The following CSNK1G1 variants were observed in gnomAD, a reference collection of about 807,000 sequenced individuals.
CSNK1G1 encodes casein kinase I isoform gamma-1.
CSNK1G1 carries 22 observed loss-of-function variants against 59.6 expected under a neutral mutation model. The ratio of observed to expected loss-of-function variants is 0.37; its 90% CI spans 0.26 to 0.53. The LOEUF (loss-of-function observed/expected upper bound fraction) is 0.53, where lower values mean the gene tolerates loss of function less well. Among genes scored for constraint, CSNK1G1 ranks in the 20% least tolerant of loss-of-function variants. The pLI is 0.89. For synonymous variants in CSNK1G1, 179 were observed against 177.1 expected, an observed-to-expected ratio of 1.01 and a Z score of -0.08; for missense variants, 384 against 519.5, an observed-to-expected ratio of 0.74 and a Z score of 2.54.
chr15:64,240,921 AACC>A (rs2082685519), intron 4 of CSNK1G1, among the ~76,000 whole-genome samples: 1 of 152,206 alleles, frequency 6.6e-6, no homozygotes, highest in South Asian at 2.1e-4. Context: ...CACTACAGAA[AACC>A]ACCAAGTTGC....
chr15:64,292,209 C>CAA (rs771506245), intron 2 of CSNK1G1, among the ~76,000 whole-genome samples: 12 of 55,138 alleles, frequency 2.2e-4, no homozygotes, highest in Middle Eastern at 0.013. Context: ...GACTCCGTCA[C>CAA]AAAAAAAAAA....
intron 1 of CSNK1G1, among the ~76,000 whole-genome samples, chr15:64,337,880 A>C (rs1897472163): frequency 6.6e-6 from 1 of 152,210 alleles, no homozygotes; most frequent in Non-Finnish European, 1.5e-5. Context: ...TAGGTAGCTC[A>C]TAAGTGAAAT....
intron 1 of CSNK1G1, among the ~76,000 whole-genome samples, chr15:64,307,327 C>A (rs1197172165): frequency 6.6e-6 from 1 of 152,058 alleles, no homozygotes; most frequent in Non-Finnish European, 1.5e-5. Context: ...AAAAATAAAG[C>A]CTGTTAATTA....
intron 1 of CSNK1G1, among the ~76,000 whole-genome samples, chr15:64,338,722 A>C (rs986711877): frequency 6.9e-6 from 1 of 144,570 alleles, no homozygotes; most frequent in African/African-American, 2.6e-5. Flanking sequence ...AAAAAAAAAA[A>C]AAAAAACACT....
At chr15:64,268,306 T>G (rs2033918510) in intron 2 of CSNK1G1, among the ~76,000 whole-genome samples, 1 of 152,108 alleles carries the variant, frequency 6.6e-6, no homozygotes, top group Non-Finnish European at 1.5e-5. Context: ...ATGGTGGTTA[T>G]CAGAGGCTGG....
At chr15:64,340,506 G>T (rs1295550699) in intron 1 of CSNK1G1, among the ~76,000 whole-genome samples, 1 of 152,102 alleles carries the variant, frequency 6.6e-6, no homozygotes, top group African/African-American at 2.4e-5. Context: ...GTATCTTCCT[G>T]GTAAACTAAA....
chr15:64,201,853 A>T (rs1333916538), intron 10 of CSNK1G1, among the ~76,000 whole-genome samples: 1 of 152,184 alleles, frequency 6.6e-6, no homozygotes, highest in East Asian at 1.9e-4. Context: ...GTGAAATCAT[A>T]AGGAGAGGAA....
intron 1 of CSNK1G1, among the ~76,000 whole-genome samples, chr15:64,316,391 C>G (rs1296149377): frequency 6.6e-6 from 1 of 151,780 alleles, no homozygotes; most frequent in Non-Finnish European, 1.5e-5. Context: ...CAAAAATTAG[C>G]CGGGCATGGT....
chr15:64,321,404 T>C (rs1242645834), intron 1 of CSNK1G1, among the ~76,000 whole-genome samples: 2 of 151,718 alleles, frequency 1.3e-5, no homozygotes, highest in African/African-American at 2.4e-5. Context: ...CACAGACACA[T>C]ACCACCATGC....
At chr15:64,338,066 T>C (rs1006819024) in intron 1 of CSNK1G1, among the ~76,000 whole-genome samples, 4 of 152,246 alleles carry the variant, frequency 2.6e-5, no homozygotes, top group Admixed American at 2.6e-4. Context: ...ATAAAGGTAC[T>C]GTACAAACAT....
intron 9 of CSNK1G1, 141 bp from the exon 10 acceptor site, chr15:64,203,330 C>G: frequency 1.5e-6 from 1 of 653,774 alleles, no homozygotes; most frequent in Non-Finnish European, 2.8e-6. Context: ...GTCTTGTCTT[C>G]TCAGTTTGCT....
At chr15:64,295,339 C>T (rs1190966487) in intron 2 of CSNK1G1, among the ~76,000 whole-genome samples, 2 of 152,156 alleles carry the variant, frequency 1.3e-5, no homozygotes, top group Non-Finnish European at 2.9e-5. Flanking sequence ...TTGCAGCTTC[C>T]GGCATAAATG....
At chr15:64,315,814 A>G (rs1224377422) in intron 1 of CSNK1G1, 1 of 152,146 alleles carries the variant, frequency 6.6e-6, no homozygotes, top group Non-Finnish European at 1.5e-5. Flanking sequence ...ATTTTTTTCA[A>G]AGGAGCTAAT....
intron 2 of CSNK1G1, 45 bp downstream of exon 2, chr15:64,300,274 A>G: frequency 3.9e-6 from 6 of 1,553,210 alleles, no homozygotes; most frequent in Non-Finnish European, 5.3e-6. Context: ...AGCTTATCAT[A>G]GGTATTGTTG....
intron 4 of CSNK1G1, among the ~76,000 whole-genome samples, chr15:64,239,205 C>CA (rs2082661486): frequency 6.6e-6 from 1 of 152,124 alleles, no homozygotes; most frequent in Admixed American, 6.5e-5. Context: ...CCATTAGATG[C>CA]ACAAACATCA....
At chr15:64,274,310 T>A (rs1450615665) in intron 2 of CSNK1G1, among the ~76,000 whole-genome samples, 1 of 152,208 alleles carries the variant, frequency 6.6e-6, no homozygotes, top group Non-Finnish European at 1.5e-5. Context: ...TCAGCCACTA[T>A]CCTAAATAAT....
rs1193513770 is a variant in CSNK1G1, at chr15:64,169,761, T to C, written c.*2170A>G. 1.3e-5 allele frequency: 2 copies of C among 152,336 alleles called. No homozygotes were observed. The highest frequency in any genetic ancestry group is 3.9e-4 in the East Asian group (2 of 5,184). The allele number at this position is 152,336 out of a possible 1,614,324, so 9.4% of individuals were successfully genotyped here. ...TATCTCCCTGCCACTTTATGTTTCATATATAGAAACATTTATAGAAATGAC... is the reference window on the plus strand; with the variant it reads ...TATCTCCCTGCCACTTTATGTTTCACATATAGAAACATTTATAGAAATGAC... On this transcript the variant is annotated 3_prime_UTR_variant, in exon 12 of 12. Coordinates refer to ENST00000303052, the MANE Select transcript of CSNK1G1 (RefSeq NM_022048.5).
chr15:64,220,838 G>A (rs936882257), intron 4 of CSNK1G1, among the ~76,000 whole-genome samples: 22 of 152,302 alleles, frequency 1.4e-4, no homozygotes, highest in African/African-American at 5.3e-4. Context: ...ACAGGCATGA[G>A]CCTCCGTGCC....
chr15:64,337,102 C>A (rs1033951742), intron 1 of CSNK1G1, among the ~76,000 whole-genome samples: 1 of 152,056 alleles, frequency 6.6e-6, no homozygotes. Context: ...GTGGCAGGCA[C>A]CTGTAATCCC....
Sources: allele counts gnomAD v4.1 joint callset (sites outside exome capture counted in the v4.1 genomes callset), GRCh38; gene constraint gnomAD v4.1.1; transcripts MANE v1.5; gene names NCBI Gene and HGNC (gene_info 2026-07-23, HGNC 2026-07-21).